DNAH14: variants seen among roughly 807,000 people sequenced by gnomAD.
The protein encoded by DNAH14 is axonemal beta dynein heavy chain 14.
In DNAH14, 478 loss-of-function variants were observed where a neutral mutation model predicts 520.9. That is an observed-to-expected ratio of 0.92 (90% CI 0.85 to 0.99). The LOEUF (loss-of-function observed/expected upper bound fraction) is 0.99. Ranked by LOEUF, DNAH14 falls within the 50% of genes least tolerant of loss-of-function variation. The pLI is 0.00. For missense variants in DNAH14, 4,831 were observed against 5,234.5 expected (o/e 0.92, Z 2.38); for synonymous variants, 1,581 against 1,757.2 (o/e 0.90, Z 2.51).
intron 38 of DNAH14, among the ~76,000 whole-genome samples, chr1:225,201,996 C>T (rs12092293): frequency 0.015 from 2,313 of 152,024 alleles, 47 homozygotes; most frequent in East Asian, 0.053. Flanking sequence ...CTGCCTCAGC[C>T]TCCCCAGTAG....
chr1:224,949,083 C>T lies in DNAH14; in HGVS notation c.-33-3587C>T, dbSNP rs913657303. Reference sequence around the variant, plus strand: ...GTGTTTATTGATTTTATTTGCCTAGCAATGTCTTTATCTGGTTAAAAAAAC... The same window carrying T: ...GTGTTTATTGATTTTATTTGCCTAGTAATGTCTTTATCTGGTTAAAAAAAC... On this transcript the variant is annotated intron_variant, in intron 1 of 85. Coordinates refer to ENST00000682510, the MANE Select transcript of DNAH14 (RefSeq NM_001367479.1). Among the ~76,000 whole-genome samples the T allele has an allele frequency of 1.5e-4, 23 of 152,040 alleles. 1 individual carries two copies. The highest frequency in any genetic ancestry group is 2.2e-4 in the Non-Finnish European group (15 of 67,986).
chr1:225,078,916 G>A (rs1377869107), intron 17 of DNAH14, among the ~76,000 whole-genome samples: 4 of 115,596 alleles, frequency 3.5e-5, no homozygotes. Context: ...TTCTGCCTTG[G>A]TAAGATGTGC....
chr1:225,205,373 G>A (rs899492594), intron 39 of DNAH14, among the ~76,000 whole-genome samples: 2 of 152,104 alleles, frequency 1.3e-5, no homozygotes, highest in Non-Finnish European at 1.5e-5. Context: ...TGTCAACCAC[G>A]AAGATAGCAC....
chr1:224,988,061 C>G (rs2062770258), intron 8 of DNAH14, among the ~76,000 whole-genome samples: 1 of 150,416 alleles, frequency 6.6e-6, no homozygotes, highest in Admixed American at 6.6e-5. Flanking sequence ...TCCCCCACCT[C>G]TACCTCCAAG....
At chr1:225,310,941 A>C (rs1031759248) in intron 60 of DNAH14, among the ~76,000 whole-genome samples, 2 of 152,184 alleles carry the variant, frequency 1.3e-5, no homozygotes, top group African/African-American at 4.8e-5. Context: ...AGAATGATTT[A>C]TAATCCTTTT....
intron 52 of DNAH14, among the ~76,000 whole-genome samples, chr1:225,273,780 A>C (rs184638280): frequency 1.3e-5 from 2 of 152,182 alleles, no homozygotes; most frequent in Non-Finnish European, 2.9e-5. Flanking sequence ...CTAGGTCACA[A>C]AGGAAAGTGT....
chr1:224,974,075 G>A lies in DNAH14; in HGVS notation c.768-16G>A, dbSNP rs1447408527. 2 of 1,476,130 alleles carry A rather than the reference G, an allele frequency of 1.4e-6. No individual in the cohort carries two copies. Among genetic ancestry groups the A allele is most frequent in the Admixed American group, 4.7e-5 (2 of 42,952 alleles). The allele number at this position is 1,476,130 out of a possible 1,614,324, so 91.4% of individuals were successfully genotyped here. ...GGTTTATGGATATGGAATATAAGAA[G>A]CATTTTTCCTTTCAGAATGAATAAA... On this transcript the variant is annotated splice_polypyrimidine_tract_variant and intron_variant, in intron 7 of 85. Transcript: ENST00000682510.
At chr1:225,258,967 A>G (rs1469247344) in intron 45 of DNAH14, among the ~76,000 whole-genome samples, 154 bp from the exon 46 acceptor site, 1 of 152,184 alleles carries the variant, frequency 6.6e-6, no homozygotes, top group Non-Finnish European at 1.5e-5. Flanking sequence ...TCCTCATTTA[A>G]CCACTCTTAA....
At chr1:224,944,869 G>C (rs2059687647) in intron 1 of DNAH14, among the ~76,000 whole-genome samples, 2 of 152,234 alleles carry the variant, frequency 1.3e-5, no homozygotes, top group African/African-American at 4.8e-5. Context: ...TCAGCTGTTA[G>C]TGTGATGGGC....
chr1:225,131,096 TG>T (rs2078368758), intron 27 of DNAH14, among the ~76,000 whole-genome samples: 1 of 152,206 alleles, frequency 6.6e-6, no homozygotes, highest in Non-Finnish European at 1.5e-5. Flanking sequence ...AAGTATTCAT[TG>T]TATAATTCCT....
At chr1:225,302,188 C>T (rs2094151731) in intron 56 of DNAH14, among the ~76,000 whole-genome samples, 1 of 149,558 alleles carries the variant, frequency 6.7e-6, no homozygotes, top group South Asian at 2.1e-4. Flanking sequence ...ACATGTCCTA[C>T]AATAATAACA....
At position 225,311,109 on chromosome 1, in the gene DNAH14, A is replaced by G. The variant is rs368447537; in HGVS notation, c.9240+2699A>G. Reference sequence around the variant, plus strand: ...TTTCTCCACATCCTCTCCAGCATCTATTATTTCCTAACTTATTAATGATCA... The same window carrying G: ...TTTCTCCACATCCTCTCCAGCATCTGTTATTTCCTAACTTATTAATGATCA... On this transcript the variant is annotated intron_variant, in intron 60 of 85. Coordinates refer to ENST00000682510, the MANE Select transcript of DNAH14 (RefSeq NM_001367479.1). 3.9e-4 allele frequency among the ~76,000 whole-genome samples: 59 copies of G among 152,134 alleles called. No individual in the cohort carries two copies. In the East Asian group the frequency reaches 4.6e-3, roughly 12 times the overall value.
chr1:224,953,373 C>T (rs1284607284), intron 2 of DNAH14, among the ~76,000 whole-genome samples: 1 of 151,994 alleles, frequency 6.6e-6, no homozygotes, highest in Non-Finnish European at 1.5e-5. Context: ...ATCCACCCGC[C>T]TCGGCCTCCC....
At chr1:225,380,635 C>T (rs1383854382) in intron 80 of DNAH14, among the ~76,000 whole-genome samples, 3 of 152,288 alleles carry the variant, frequency 2.0e-5, no homozygotes, top group Admixed American at 6.5e-5. Flanking sequence ...GTTCTCTCTG[C>T]CTCTCTGCCT....
chr1:225,066,591 C>T (rs896769674), intron 17 of DNAH14, among the ~76,000 whole-genome samples: 26 of 151,792 alleles, frequency 1.7e-4, no homozygotes, highest in African/African-American at 7.3e-5. Flanking sequence ...TTTTGGTGCA[C>T]CTGTCAACTG....
At chr1:225,292,932 T>C (rs2093924933) in intron 55 of DNAH14, among the ~76,000 whole-genome samples, 1 of 152,150 alleles carries the variant, frequency 6.6e-6, no homozygotes. Context: ...ACATTACTGA[T>C]TTTTGTATCC....
At chr1:225,049,362 C>T (rs2068283050) in intron 15 of DNAH14, among the ~76,000 whole-genome samples, 1 of 151,554 alleles carries the variant, frequency 6.6e-6, no homozygotes, top group Non-Finnish European at 1.5e-5. Context: ...CACCCAGCAC[C>T]TATTTTTTTT....
intron 29 of DNAH14, among the ~76,000 whole-genome samples, 176 bp from the exon 30 acceptor site, chr1:225,145,150 A>G (rs1190791201): frequency 6.6e-6 from 1 of 152,214 alleles, no homozygotes; most frequent in African/African-American, 2.4e-5. Context: ...GTAACAGTAT[A>G]TGTACATTTA....
At chr1:225,159,067 A>C (rs554458439) in intron 34 of DNAH14, among the ~76,000 whole-genome samples, 1 of 152,312 alleles carries the variant, frequency 6.6e-6, no homozygotes, top group East Asian at 1.9e-4. Flanking sequence ...TTACTGATAC[A>C]GTACCTTTCT....
Sources: gnomAD v4.1 joint callset for allele counts (sites outside exome capture counted in the v4.1 genomes callset) on GRCh38, gnomAD v4.1.1 for gene constraint, MANE v1.5 for transcripts, NCBI Gene and HGNC (gene_info 2026-07-23, HGNC 2026-07-21) for gene names.